The following MDN1 variants were observed in gnomAD, a reference collection of about 807,000 sequenced individuals.
MDN1 encodes midasin AAA ATPase 1.
MDN1 carries 266 observed loss-of-function variants against 669.2 expected under a neutral mutation model. That is an observed-to-expected ratio of 0.40 (90% confidence interval 0.36 to 0.44). The LOEUF is 0.44. Among genes scored for constraint, MDN1 ranks in the 20% least tolerant of loss-of-function variants. The pLI, the probability that MDN1 is intolerant of heterozygous loss-of-function variation, is 1.00. For missense variants in MDN1, 5,940 were observed against 6,754.0 expected (o/e 0.88, Z 4.22); for synonymous variants, 2,385 against 2,457.1 (o/e 0.97, Z 0.87).
chr6:89,818,374 C>T (rs540089697), intron 1 of MDN1, among the ~76,000 whole-genome samples: 1 of 150,678 alleles, frequency 6.6e-6, no homozygotes, highest in African/African-American at 2.4e-5. Context: ...TGGCTCACTC[C>T]TACAATCCCT....
rs1425340803 is a variant in MDN1 at position 89,748,106 on chromosome 6, C to T, written c.3763-636G>A. On this transcript the variant is annotated intron_variant, in intron 26 of 101. Coordinates refer to ENST00000369393, the MANE Select transcript of MDN1 (RefSeq NM_014611.3). The stretch of plus-strand genomic sequence containing the variant: ...CTTTGGGAGGCCAAGGCGGGCGGAT[C>T]ACAAGGTCAGGAGATCGAGACCATC... Among the ~76,000 whole-genome samples, 3 of 151,950 alleles carry T rather than the reference C, an allele frequency of 2.0e-5. No homozygotes were observed. The East Asian group carries it at 5.8e-4, about 29-fold the overall frequency.
rs1307936873 is a variant in MDN1, at chr6:89,643,631, C to T, written c.*374G>A. ...TCCCTTTAGTCCTTTATACAAAGGA[C>T]TGTCAGAGTCCCATGCTCCTGGCAG... is the stretch of plus-strand genomic sequence containing the variant. On this transcript the variant is annotated 3_prime_UTR_variant, in exon 102 of 102. Transcript: ENST00000369393. The T allele has an allele frequency of 5.2e-5, 9 of 174,698 alleles. No homozygotes were observed. Among genetic ancestry groups the T allele is most frequent in the African/African-American group, 2.1e-4 (9 of 41,938 alleles). 10.8% of individuals were successfully genotyped at this position (174,698 alleles called of 1,614,324 possible).
chr6:89,693,435 T>C (rs1324411627), intron 62 of MDN1, among the ~76,000 whole-genome samples: 2 of 152,152 alleles, frequency 1.3e-5, no homozygotes, highest in African/African-American at 2.4e-5. Context: ...CTTATGCTGA[T>C]ATGGACACTG....
At chr6:89,743,413 C>T (rs1816396899) in intron 30 of MDN1, 133 bp from the exon 31 acceptor site, 3 of 1,372,762 alleles carry the variant, frequency 2.2e-6, no homozygotes, top group Non-Finnish European at 3.0e-6. Flanking sequence ...GGAGATAGAA[C>T]TTGCACACCA....
chr6:89,709,468 A>G (rs1199059526), intron 50 of MDN1, among the ~76,000 whole-genome samples: 1 of 152,220 alleles, frequency 6.6e-6, no homozygotes, highest in African/African-American at 2.4e-5. Context: ...GAAAGCTGCT[A>G]CTGTAGAACT....
intron 3 of MDN1, among the ~76,000 whole-genome samples, 160 bp downstream of exon 3, chr6:89,794,417 A>G (rs542928134): frequency 2.7e-4 from 41 of 152,330 alleles, no homozygotes; most frequent in Non-Finnish European, 5.1e-4. Context: ...TTTCCTCTGC[A>G]ATGACACATG....
chr6:89,776,799 AG>A, intron 11 of MDN1, 104 bp from the exon 12 acceptor site: 1 of 796,368 alleles, frequency 1.3e-6, no homozygotes, highest in Non-Finnish European at 1.9e-6. Context: ...AAAATCCAGC[AG>A]GAACATTTCT....
Position 89,712,288 on chromosome 6 carries a change from C to G in MDN1, c.7431-32G>C, listed in dbSNP as rs762748654. The G allele has an allele frequency of 4.6e-6, 7 of 1,525,254 alleles. No homozygotes were observed. In the East Asian group the frequency reaches 1.6e-4, roughly 34 times the overall value. 94.5% of individuals were successfully genotyped at this position (1,525,254 alleles called of 1,614,324 possible). On this transcript the variant is annotated intron_variant, in intron 48 of 101. Transcript: ENST00000369393. The stretch of plus-strand genomic sequence containing the variant: ...TTCATTTGAATGAACAAACTCAGTA[C>G]TAGAATAACCTTTTATTTCACATTC...
intron 17 of MDN1, among the ~76,000 whole-genome samples, chr6:89,760,049 G>A (rs1410497675): frequency 6.6e-6 from 1 of 151,938 alleles, no homozygotes; most frequent in Non-Finnish European, 1.5e-5. Flanking sequence ...TCCAGCCTGG[G>A]TGACAGAGTC....
At chr6:89,729,660 GT>G (rs1335758713) in intron 35 of MDN1, among the ~76,000 whole-genome samples, 1 of 128,008 alleles carries the variant, frequency 7.8e-6, no homozygotes, top group Non-Finnish European at 1.7e-5. Flanking sequence ...CTTGGAAGAA[GT>G]TTTTGTTTTG....
At chr6:89,656,177 G>A (rs1259843354) in intron 91 of MDN1, among the ~76,000 whole-genome samples, 1 of 152,008 alleles carries the variant, frequency 6.6e-6, no homozygotes, top group Non-Finnish European at 1.5e-5. Flanking sequence ...TAAAATGAAG[G>A]CAAAGAAACA....
At chr6:89,650,609 T>C in intron 96 of MDN1, 123 bp downstream of exon 96, 2 of 707,834 alleles carry the variant, frequency 2.8e-6, no homozygotes, top group African/African-American at 3.5e-5. Context: ...TACTGGTGCC[T>C]GTACGGCACA....
At chr6:89,758,507 T>C (rs546422317) in intron 18 of MDN1, among the ~76,000 whole-genome samples, 156 bp from the exon 19 acceptor site, 1 of 152,198 alleles carries the variant, frequency 6.6e-6, no homozygotes, top group South Asian at 2.1e-4. Flanking sequence ...TTCAATCTAA[T>C]CTTATACTGC....
rs145525939 is a variant in MDN1 at position 89,729,071 on chromosome 6, G to C, written c.5209C>G (p.Gln1737Glu). ...AGTTTGGTAGCTCTTAAGAGCCTCT[G>C]TGCATTCATAGCAGTGGTCCCTGCA... The part of the protein sequence containing the change: ...LSAGTTAMNA[Q>E]RLLRATKLKK... Residue 1737 changes from glutamine to glutamate, a missense_variant, in exon 36 of 102, where the codon CAG (glutamine) becomes GAG (glutamate). Physicochemically the swap from Gln to Glu is conservative, Grantham distance 29. This residue lies in a region of MDN1 where 2,292 missense variants were observed against 2,638.3 expected (regional missense o/e 0.87). Transcript: ENST00000369393. 75 of 1,613,916 alleles carry C rather than the reference G, an allele frequency of 4.6e-5. No homozygotes were observed. Among genetic ancestry groups the C allele is most frequent in the Non-Finnish European group, 6.0e-5 (71 of 1,180,002 alleles).
rs1400737185 is a variant in MDN1, at chr6:89,794,627, G to A, written c.504C>T (p.Asp168=). Residue 168 remains aspartate, a synonymous_variant, in exon 3 of 102, where the codon GAC becomes GAT. Transcript: ENST00000369393. ...TGAGGAGAGGGACACACACACTCCA[G>A]TCCCAGAGCTCCCGGAACACAGACT... is the stretch of plus-strand genomic sequence containing the variant. ...QEQSVFRELW[D]WSVCVPLLRS... 2 of 1,613,736 alleles carry A rather than the reference G, an allele frequency of 1.2e-6. No homozygotes were observed. Among genetic ancestry groups the A allele is most frequent in the Admixed American group, 1.7e-5 (1 of 59,998 alleles).
In MDN1 at chr6:89,674,382, G is replaced by A; in HGVS notation, c.12969C>T (p.Val4323=). ...SVGPAPGHGN[V]QVLGQPPGPC... ...GGCCAGGAGGCTGCCCCAGTACCTGGACATTGCCATGGCCTGGAGCTGGCC... is the reference window on the plus strand; with the variant it reads ...GGCCAGGAGGCTGCCCCAGTACCTGAACATTGCCATGGCCTGGAGCTGGCC... Residue 4323 remains valine (V), a synonymous_variant, in exon 79 of 102, where the codon GTC becomes GTT. Coordinates refer to ENST00000369393, the MANE Select transcript of MDN1 (RefSeq NM_014611.3). 6.2e-7 allele frequency: 1 copy of A among 1,614,190 alleles called. No homozygotes were observed. The highest frequency in any genetic ancestry group is 8.5e-7 in the Non-Finnish European group (1 of 1,180,026).
chr6:89,748,178 T>C (rs1440592720), intron 26 of MDN1, among the ~76,000 whole-genome samples: 2 of 151,928 alleles, frequency 1.3e-5, no homozygotes, highest in Non-Finnish European at 2.9e-5. Flanking sequence ...GACAAAAAAT[T>C]AGCCAAGCCT....
chr6:89,680,468 C>T (rs1312599235), intron 74 of MDN1, 121 bp downstream of exon 74: 2 of 1,203,732 alleles, frequency 1.7e-6, no homozygotes, highest in African/African-American at 1.6e-5. Flanking sequence ...CTTGCTTATT[C>T]AATCAACTGT....
intron 79 of MDN1, among the ~76,000 whole-genome samples, chr6:89,673,833 G>A (rs1047867565): frequency 6.6e-6 from 1 of 152,082 alleles, no homozygotes; most frequent in African/African-American, 2.4e-5. Context: ...CACCACAAAT[G>A]GCAGGATGTG....
Sources: allele counts gnomAD v4.1 joint callset (sites outside exome capture counted in the v4.1 genomes callset), GRCh38; gene constraint gnomAD v4.1.1; regional missense constraint gnomAD v4.1.1; transcripts MANE v1.5; gene names NCBI Gene and HGNC (gene_info 2026-07-23, HGNC 2026-07-21).